Variants in CNTN4 observed in about 807,000 individuals in gnomAD.
The protein encoded by CNTN4 is contactin 4, also known as contactin-4.
In CNTN4, 77 loss-of-function variants were observed where a neutral mutation model predicts 122.5. That is an observed-to-expected ratio of 0.63 (90% CI 0.52 to 0.76). The LOEUF is 0.76. CNTN4 is among the 30% of genes least tolerant of loss of function. The probability of loss-of-function intolerance (pLI) is 0.00; values close to 1 mark genes in which losing one functional copy is unlikely to be tolerated. For synonymous variants in CNTN4, 512 were observed against 447.0 expected, an observed-to-expected ratio of 1.15 and a Z score of -1.83; for missense variants, 1,256 against 1,259.1, an observed-to-expected ratio of 1.00 and a Z score of 0.04.
intron 4 of CNTN4, among the ~76,000 whole-genome samples, chr3:2,577,918 C>T (rs1430722424): frequency 6.6e-6 from 1 of 152,174 alleles, no homozygotes; most frequent in Non-Finnish European, 1.5e-5. Flanking sequence ...CAGCAATTAT[C>T]TCTTTCTGAG....
At chr3:2,667,447 T>C (rs2084237090) in intron 4 of CNTN4, among the ~76,000 whole-genome samples, 2 of 152,206 alleles carry the variant, frequency 1.3e-5, no homozygotes, top group Non-Finnish European at 2.9e-5. Flanking sequence ...TGTTTGACTT[T>C]TTCTTGCAAA....
chr3:2,287,670 GAAGAAGAAGAAGAAGAA>G (rs1559415474), intron 2 of CNTN4, among the ~76,000 whole-genome samples: 1,468 of 59,294 alleles, frequency 0.025, 41 homozygotes, highest in African/African-American at 0.045. Context: ...AGAAGAAGAA[GAAGAAGAAGAAGAAGAA>G]GAAGAGGAAG....
At position 2,679,161 on chromosome 3, in the gene CNTN4, T is replaced by C. The variant is rs571016647; in HGVS notation, c.56-57054T>C. Among the ~76,000 whole-genome samples, 18 of 152,348 alleles carry C rather than the reference T, an allele frequency of 1.2e-4. 2 individuals are homozygous for C. In the South Asian group the frequency reaches 3.5e-3, roughly 30 times the overall value. Reference sequence around the variant, plus strand: ...TTTTCCTGCCTATCTGTCAAATGTTTCTTAATTAAGAATTATTCTTAATTA... The same window carrying C: ...TTTTCCTGCCTATCTGTCAAATGTTCCTTAATTAAGAATTATTCTTAATTA... On this transcript the variant is annotated intron_variant, in intron 4 of 24. Transcript: ENST00000418658.
chr3:2,148,982 G>C (rs1165826762), intron 2 of CNTN4, among the ~76,000 whole-genome samples: 1 of 151,766 alleles, frequency 6.6e-6, no homozygotes, highest in South Asian at 2.1e-4. Flanking sequence ...TGGGGGGGTG[G>C]TGTCTAAGGA....
intron 2 of CNTN4, among the ~76,000 whole-genome samples, chr3:2,294,415 G>T (rs76233461): frequency 9.1e-4 from 138 of 151,902 alleles, no homozygotes; most frequent in Non-Finnish European, 1.7e-3. Flanking sequence ...TGGATCACTC[G>T]AGCTGTGAAG....
At chr3:2,726,216 T>G (rs189564412) in intron 4 of CNTN4, among the ~76,000 whole-genome samples, 1 of 152,352 alleles carries the variant, frequency 6.6e-6, no homozygotes, top group Admixed American at 6.5e-5. Context: ...AAGGGTTTTT[T>G]CCTTGTAGTT....
At position 3,043,135 on chromosome 3, in the gene CNTN4, A is replaced by C. The variant is rs1236851167; in HGVS notation, c.2670A>C (p.Ala890=). The C allele has an allele frequency of 6.2e-7, 1 of 1,614,196 alleles. No individual in the cohort carries two copies. The highest frequency in any genetic ancestry group is 1.7e-5 in the Admixed American group (1 of 60,024). The change falls in exon 22 of 25, where the codon GCA becomes GCC. Residue 890 remains alanine, a synonymous_variant. Transcript: ENST00000418658. ...YNSAGTGPSS[A]TVNVTTRKPP... ...CTGCTGGGACAGGCCCCTCTAGTGC[A>C]ACAGTCAATGTGACAACCCGAAAGC...
At chr3:3,036,009 A>T (rs909013276) in intron 17 of CNTN4, among the ~76,000 whole-genome samples, 1 of 151,968 alleles carries the variant, frequency 6.6e-6, no homozygotes, top group Non-Finnish European at 1.5e-5. Flanking sequence ...CCTATTTTTT[A>T]AAAGTTTCAC....
chr3:2,890,893 T>G (rs1244738746), intron 10 of CNTN4, among the ~76,000 whole-genome samples: 1 of 152,238 alleles, frequency 6.6e-6, no homozygotes, highest in Admixed American at 6.5e-5. Context: ...CATTAAAAAC[T>G]TCCTAAAAAT....
At chr3:2,749,860 T>C (rs1470128049) in intron 6 of CNTN4, among the ~76,000 whole-genome samples, 3 of 152,338 alleles carry the variant, frequency 2.0e-5, no homozygotes. Context: ...TAGGATAAAA[T>C]CCTTTTCTTC....
intron 6 of CNTN4, among the ~76,000 whole-genome samples, chr3:2,808,515 T>C (rs930039372): frequency 6.6e-6 from 1 of 152,122 alleles, no homozygotes; most frequent in African/African-American, 2.4e-5. Flanking sequence ...CTATCAGTTA[T>C]AAAATTATCA....
chr3:2,916,533 T>C (rs530104329), intron 12 of CNTN4, among the ~76,000 whole-genome samples: 1,527 of 143,162 alleles, frequency 0.011, 15 homozygotes, highest in Middle Eastern at 0.062. Flanking sequence ...GGCCATAGAT[T>C]AACAGCATCC....
intron 2 of CNTN4, among the ~76,000 whole-genome samples, chr3:2,172,117 T>C (rs1461342565): frequency 2.0e-5 from 3 of 152,226 alleles, no homozygotes; most frequent in Non-Finnish European, 4.4e-5. Flanking sequence ...TCTTTCTCTT[T>C]TGAGTATATC....
intron 4 of CNTN4, among the ~76,000 whole-genome samples, chr3:2,584,277 G>C (rs2080078111): frequency 6.6e-6 from 1 of 152,112 alleles, no homozygotes. Flanking sequence ...GAAAATTGTG[G>C]GAGTAGGAGG....
chr3:2,226,203 T>C (rs893735556), intron 2 of CNTN4, among the ~76,000 whole-genome samples: 16 of 152,210 alleles, frequency 1.1e-4, no homozygotes, highest in Non-Finnish European at 8.8e-5. Context: ...TTCTTACTTA[T>C]GTTATTATGT....
At chr3:2,586,598 A>G (rs1317880281) in intron 4 of CNTN4, among the ~76,000 whole-genome samples, 1 of 152,030 alleles carries the variant, frequency 6.6e-6, no homozygotes, top group African/African-American at 2.4e-5. Flanking sequence ...CCCCTCCACC[A>G]ACACTCTTCT....
At chr3:2,452,231 G>A (rs1003557831) in intron 3 of CNTN4, among the ~76,000 whole-genome samples, 5 of 152,150 alleles carry the variant, frequency 3.3e-5, no homozygotes, top group African/African-American at 9.7e-5. Context: ...CCTGGCCTGA[G>A]TTTTCTTCTC....
chr3:2,624,600 C>G (rs1460139995), intron 4 of CNTN4, among the ~76,000 whole-genome samples: 3 of 136,924 alleles, frequency 2.2e-5, no homozygotes, highest in African/African-American at 8.1e-5. Context: ...GATTAAGAGT[C>G]TTGGCTCTTA....
At position 2,820,961 on chromosome 3, in the gene CNTN4, C is replaced by CTTTTTTTTTTTTTTTTTT. The variant is rs67731967; in HGVS notation, c.454+1381_454+1398dup. ...TTCTCACATGCAACATTTTCTCTTT[C>CTTTTTTTTTTTTTTTTTT]TTTTTTTTTTTTTTTTTTGAGACAG... On this transcript the variant is annotated intron_variant, in intron 7 of 24. Transcript: ENST00000418658. Among the ~76,000 whole-genome samples the CTTTTTTTTTTTTTTTTTT allele has an allele frequency of 5.4e-4, 58 of 107,556 alleles. 3 individuals are homozygous for CTTTTTTTTTTTTTTTTTT. The highest frequency in any genetic ancestry group is 1.8e-3 in the African/African-American group (48 of 26,476). 70.6% of individuals were successfully genotyped at this position (107,556 alleles called of 152,430 possible).
Sources: gnomAD v4.1 joint callset for allele counts (sites outside exome capture counted in the v4.1 genomes callset) on GRCh38, gnomAD v4.1.1 for gene constraint, MANE v1.5 for transcripts, NCBI Gene and HGNC (gene_info 2026-07-23, HGNC 2026-07-21) for gene names.